Variants in LRRC20 observed in about 807,000 individuals in gnomAD.
LRRC20 encodes leucine-rich repeat-containing protein 20.
A neutral mutation model predicts 14.4 loss-of-function variants in LRRC20; 11 were observed. The observed-to-expected ratio is 0.77, with a 90% CI of 0.48 to 1.27. The LOEUF is 1.27. LRRC20 is among the 50% of genes most tolerant of loss of function. The pLI is 0.00. For missense variants in LRRC20, 219 were observed against 251.2 expected (o/e 0.87, Z 0.87); for synonymous variants, 121 against 107.3 (o/e 1.13, Z -0.79).
At chr10:70,334,897 C>T (rs2136995260) in intron 3 of LRRC20, among the ~76,000 whole-genome samples, 1 of 152,262 alleles carries the variant, frequency 6.6e-6, no homozygotes, top group Middle Eastern at 3.4e-3. Context: ...AGGAAAATTG[C>T]CCCATTTTCT....
intron 2 of LRRC20, among the ~76,000 whole-genome samples, chr10:70,359,362 G>T (rs1170104260): frequency 6.6e-6 from 1 of 152,182 alleles, no homozygotes; most frequent in Non-Finnish European, 1.5e-5. Context: ...TTCAAGGCCA[G>T]CCTGGACAAC....
intron 2 of LRRC20, among the ~76,000 whole-genome samples, chr10:70,371,964 C>G (rs1844289785): frequency 6.6e-6 from 1 of 152,126 alleles, no homozygotes; most frequent in African/African-American, 2.4e-5. Flanking sequence ...ACCAGGGTTA[C>G]TTGGCTGAGT....
chr10:70,312,245 T>C (rs1318723148), intron 4 of LRRC20, among the ~76,000 whole-genome samples: 1 of 152,022 alleles, frequency 6.6e-6, no homozygotes, highest in Non-Finnish European at 1.5e-5. Context: ...ACAACCAAGA[T>C]CAAGGACGCC....
At chr10:70,352,579 T>A (rs1281816813) in intron 2 of LRRC20, among the ~76,000 whole-genome samples, 2 of 152,158 alleles carry the variant, frequency 1.3e-5, no homozygotes, top group Non-Finnish European at 2.9e-5. Context: ...GGACTTTGGG[T>A]AACAATGATG....
intron 1 of LRRC20, among the ~76,000 whole-genome samples, chr10:70,377,420 G>A (rs1268130604): frequency 6.6e-6 from 1 of 152,206 alleles, no homozygotes; most frequent in Non-Finnish European, 1.5e-5. Context: ...TACAGAGAAG[G>A]AAATGAGCAC....
intron 2 of LRRC20, among the ~76,000 whole-genome samples, chr10:70,372,719 G>A (rs1161953770): frequency 2.0e-5 from 3 of 152,014 alleles, no homozygotes; most frequent in Admixed American, 6.6e-5. Flanking sequence ...TGGGATTAAA[G>A]GTGTGAGCCA....
intron 2 of LRRC20, among the ~76,000 whole-genome samples, chr10:70,362,754 AT>A (rs1277988202): frequency 2.6e-5 from 4 of 152,212 alleles, no homozygotes; most frequent in African/African-American, 7.2e-5. Flanking sequence ...CCCAGGGGAC[AT>A]TTGGAAATGT....
chr10:70,324,177 G>A (rs1469677805), intron 3 of LRRC20, 147 bp from the exon 4 acceptor site: 3 of 688,648 alleles, frequency 4.4e-6, no homozygotes, highest in Non-Finnish European at 4.9e-6. Flanking sequence ...GCACAGGGCT[G>A]ATTCCATGTT....
At chr10:70,370,480 A>G (rs564247211) in intron 2 of LRRC20, among the ~76,000 whole-genome samples, 13 of 152,352 alleles carry the variant, frequency 8.5e-5, no homozygotes, top group Non-Finnish European at 1.9e-4. Context: ...CAGGCCAGGC[A>G]TGGTGGCTCA....
chr10:70,362,740 T>C (rs367744166), intron 2 of LRRC20, among the ~76,000 whole-genome samples: 2 of 150,614 alleles, frequency 1.3e-5, no homozygotes, highest in Admixed American at 6.6e-5. Context: ...GGGGCAGTTT[T>C]GCCCCCAGGG....
At chr10:70,355,081 G>GC (rs1297806715) in intron 2 of LRRC20, among the ~76,000 whole-genome samples, 1 of 152,112 alleles carries the variant, frequency 6.6e-6, no homozygotes, top group Non-Finnish European at 1.5e-5. Context: ...TCAAACAGGA[G>GC]CCCCCCATGA....
At chr10:70,312,671 A>G (rs10823518) in intron 4 of LRRC20, among the ~76,000 whole-genome samples, 52,026 of 151,974 alleles carry the variant, frequency 0.34, 9,493 homozygotes, top group South Asian at 0.43. Flanking sequence ...AGGGACACAG[A>G]CCCTAATTTT....
chr10:70,364,579 G>T (rs1406980090), intron 2 of LRRC20, among the ~76,000 whole-genome samples: 1 of 150,984 alleles, frequency 6.6e-6, no homozygotes, highest in Non-Finnish European at 1.5e-5. Flanking sequence ...CACAAGAAGG[G>T]AGTGGAAGCC....
At chr10:70,376,857 G>A (rs2137180894) in intron 1 of LRRC20, 1 of 349,602 alleles carries the variant, frequency 2.9e-6, no homozygotes, top group Non-Finnish European at 5.4e-6. Context: ...ACCAGACATG[G>A]GGACCAGGTC....
At chr10:70,374,357 T>A (rs1844424338) in intron 2 of LRRC20, among the ~76,000 whole-genome samples, 1 of 150,988 alleles carries the variant, frequency 6.6e-6, no homozygotes, top group African/African-American at 2.4e-5. Context: ...AAGCCTTTTT[T>A]TTTTTTTTTT....
At chr10:70,366,430 A>T (rs546855838) in intron 2 of LRRC20, among the ~76,000 whole-genome samples, 26 of 152,278 alleles carry the variant, frequency 1.7e-4, no homozygotes, top group Non-Finnish European at 2.1e-4. Flanking sequence ...GTCTCAAAAA[A>T]AAAATAAAAT....
At chr10:70,323,420 G>A (rs1312403422) in intron 4 of LRRC20, among the ~76,000 whole-genome samples, 1 of 152,190 alleles carries the variant, frequency 6.6e-6, no homozygotes, top group African/African-American at 2.4e-5. Flanking sequence ...TGTTTGTTCT[G>A]GAAGGCATAG....
chr10:70,360,016 A>C (rs1254463361), intron 2 of LRRC20, among the ~76,000 whole-genome samples: 1 of 150,208 alleles, frequency 6.7e-6, no homozygotes, highest in Non-Finnish European at 1.5e-5. Flanking sequence ...TCCCAGGTTC[A>C]AACAATTCCC....
chr10:70,337,351 C>T (rs1403699499), intron 3 of LRRC20, among the ~76,000 whole-genome samples: 1 of 152,216 alleles, frequency 6.6e-6, no homozygotes, highest in African/African-American at 2.4e-5. Flanking sequence ...ACAGGGTGCT[C>T]AGCTCCCACC....
Sources: gnomAD v4.1 joint callset for allele counts (sites outside exome capture counted in the v4.1 genomes callset) on GRCh38, gnomAD v4.1.1 for gene constraint, MANE v1.5 for transcripts, NCBI Gene and HGNC (gene_info 2026-07-23, HGNC 2026-07-21) for gene names.